Variants in NDUFS8 observed in about 807,000 individuals in gnomAD.
The protein encoded by NDUFS8 is NADH dehydrogenase [ubiquinone] iron-sulfur protein 8, mitochondrial.
Under a neutral mutation model 25.6 loss-of-function variants are expected in NDUFS8, and 13 were observed. The observed-to-expected ratio is 0.51, with a 90% CI of 0.33 to 0.81. The LOEUF (loss-of-function observed/expected upper bound fraction) is 0.81. Among genes scored for constraint, NDUFS8 ranks in the 30% least tolerant of loss-of-function variants. The pLI, the probability that NDUFS8 is intolerant of heterozygous loss-of-function variation, is 0.02. For synonymous variants in NDUFS8, 119 were observed against 119.4 expected (o/e 1.00, Z 0.02); for missense variants, 257 against 300.9 (o/e 0.85, Z 1.08).
At chr11:68,032,516 T>G in intron 3 of NDUFS8, 180 bp downstream of exon 3, 2 of 1,506,444 alleles carry the variant, frequency 1.3e-6, no homozygotes, top group Non-Finnish European at 1.8e-6. Flanking sequence ...GGGTCCATCA[T>G]TGCCGAGGTT....
chr11:68,032,677 G>A (rs750729830), intron 3 of NDUFS8: 1 of 856,510 alleles, frequency 1.2e-6, no homozygotes, highest in Non-Finnish European at 1.8e-6. Context: ...AAGCCCTGTT[G>A]GGCAGGGAAG....
Position 68,032,942 on chromosome 11 carries a change from T to C in NDUFS8, c.129T>C (p.Asp43=). 1 of 1,613,876 alleles carries C rather than the reference T, an allele frequency of 6.2e-7. No homozygotes were observed. The highest frequency in any genetic ancestry group is 2.2e-5 in the East Asian group (1 of 44,884). The change falls in exon 4 of 7, where the codon GAT becomes GAC. Residue 43 remains aspartate, a synonymous_variant. Transcript: ENST00000313468. ...CTGCAGAGTATGTGAACATGCAGGA[T>C]CCCGAGATGGACATGAAGTCAGTGA... ...AATYKYVNMQ[D]PEMDMKSVTD...
intron 5 of NDUFS8, 191 bp downstream of exon 5, chr11:68,033,474 G>A: frequency 1.3e-6 from 1 of 760,148 alleles, no homozygotes; most frequent in South Asian, 1.6e-5. Flanking sequence ...TCAGTGAGTT[G>A]GCAGAGTGAA....
At chr11:68,033,612 C>T (rs953995206) in intron 5 of NDUFS8, 1 of 413,512 alleles carries the variant, frequency 2.4e-6, no homozygotes, top group Non-Finnish European at 4.5e-6. Context: ...TGGATGTAGC[C>T]ACCGTTTCCG....
rs1467421684 is a variant in NDUFS8 at position 68,033,137 on chromosome 11, T to G, written c.226T>G (p.Phe76Val). ...CCTGGGCATGACCCTGAGCTACCTG[T>G]TCCGGGAACCGGCCACCATCAACTA... ...RGLGMTLSYLFREPATINYPF... is the reference protein window; with the variant it reads ...RGLGMTLSYLVREPATINYPF... The change falls in exon 5 of 7, where the codon TTC becomes GTC. Residue 76 changes from phenylalanine (F) to valine (V), a missense_variant. Physicochemically the swap from Phe to Val is conservative, Grantham distance 50. Coordinates refer to ENST00000313468, the MANE Select transcript of NDUFS8 (RefSeq NM_002496.4). 3 of 1,612,894 alleles carry G rather than the reference T, an allele frequency of 1.9e-6. No individual in the cohort carries two copies. In the East Asian group the frequency reaches 6.7e-5, roughly 36 times the overall value.
rs561331377 is a variant in NDUFS8, at chr11:68,031,970, T to C, written c.1-182T>C. On this transcript the variant is annotated intron_variant, in intron 1 of 6. Coordinates refer to ENST00000313468, the MANE Select transcript of NDUFS8 (RefSeq NM_002496.4). ...TGAATTGTAGCTCAGCCAAGCTGAA[T>C]CAGATGGAAAGCTGGGAGGCGCTGG... Among the ~76,000 whole-genome samples, 3 of 152,320 alleles carry C rather than the reference T, an allele frequency of 2.0e-5. No homozygotes were observed. The South Asian group carries it at 6.2e-4, about 32-fold the overall frequency.
rs867723941 is a variant in NDUFS8 at position 68,033,218 on chromosome 11, C to T, written c.307C>T (p.Arg103Trp). Reference sequence around the variant, plus strand: ...CTTCCGTGGGGAGCATGCGCTGCGCCGGTACCCATCCGGGGAGGAGCGTTG... The same window carrying T: ...CTTCCGTGGGGAGCATGCGCTGCGCTGGTACCCATCCGGGGAGGAGCGTTG... ...PRFRGEHALR[R>W]YPSGEERCIA... Residue 103 changes from arginine to tryptophan, a missense_variant, in exon 5 of 7, where the codon CGG becomes TGG. Physicochemically the swap from Arg to Trp is moderately radical, Grantham distance 101 (BLOSUM62 -3). Transcript: ENST00000313468. The T allele has an allele frequency of 4.3e-6, 7 of 1,611,818 alleles. No individual in the cohort carries two copies. The highest frequency in any genetic ancestry group is 5.1e-6 in the Non-Finnish European group (6 of 1,179,582).
At position 68,036,240 on chromosome 11, in the gene NDUFS8, G is replaced by T. The variant is rs549656931; in HGVS notation, c.373-13G>T. ...CAGGGCAGCGTGGCAGTGTCTGGTGGCCCCTCCCGCAGGCCATCACCATCG... is the reference window on the plus strand; with the variant it reads ...CAGGGCAGCGTGGCAGTGTCTGGTGTCCCCTCCCGCAGGCCATCACCATCG... On this transcript the variant is annotated splice_polypyrimidine_tract_variant and intron_variant, in intron 5 of 6. Transcript: ENST00000313468. 39 of 1,612,202 alleles carry T rather than the reference G, an allele frequency of 2.4e-5. No homozygotes were observed. The highest frequency in any genetic ancestry group is 3.1e-5 in the Non-Finnish European group (37 of 1,179,532).
At chr11:68,032,587 ATGG>A in intron 3 of NDUFS8, 1 of 1,354,674 alleles carries the variant, frequency 7.4e-7, no homozygotes, top group South Asian at 1.4e-5. Context: ...GGTGTGAGCC[ATGG>A]GTACCTGTGC....
At chr11:68,034,278 G>A (rs1854836703) in intron 5 of NDUFS8, 1 of 152,248 alleles carries the variant, frequency 6.6e-6, no homozygotes, top group Non-Finnish European at 1.5e-5. Flanking sequence ...GGGCTACCCA[G>A]GAACTGAGAG....
At position 68,032,584 on chromosome 11, in the gene NDUFS8, G is replaced by A. The variant is rs1297931993; in HGVS notation, c.109+248G>A. On this transcript the variant is annotated intron_variant, in intron 3 of 6. Transcript: ENST00000313468. ...ATGGGGAGGGGGTTGCCAGGTGTGA[G>A]CCATGGGTACCTGTGCCTATTGCCA... 2.9e-6 allele frequency: 4 copies of A among 1,369,770 alleles called. No homozygotes were observed. In the East Asian group the frequency reaches 7.6e-5, roughly 26 times the overall value. 84.9% of individuals were successfully genotyped at this position (1,369,770 alleles called of 1,614,324 possible).
At chr11:68,032,234 G>A in intron 2 of NDUFS8, 25 bp downstream of exon 2, 2 of 1,613,726 alleles carry the variant, frequency 1.2e-6, no homozygotes, top group Non-Finnish European at 1.7e-6. Context: ...GCCTTTGCTG[G>A]GGGTAGGGGA....
At chr11:68,031,776 G>A in intron 1 of NDUFS8, 2 of 373,910 alleles carry the variant, frequency 5.3e-6, no homozygotes, top group African/African-American at 4.2e-5. Context: ...AGCTAACAAA[G>A]TTCGCTCTCA....
At chr11:68,030,907 A>C (rs1307225059) in intron 1 of NDUFS8, 174 bp downstream of exon 1, 3 of 360,308 alleles carry the variant, frequency 8.3e-6, no homozygotes, top group African/African-American at 2.8e-5. Flanking sequence ...CTCAGGGCGC[A>C]TGCGCCGCCC....
rs749283010 is a variant in NDUFS8 at position 68,032,991 on chromosome 11, C to T, written c.178C>T (p.Leu60=). The change falls in exon 4 of 7, where the codon CTG becomes TTG. Residue 60 remains leucine, a synonymous_variant. Coordinates refer to ENST00000313468, the MANE Select transcript of NDUFS8 (RefSeq NM_002496.4). ...GACTGACCGGGCAGCCCGCACCCTG[C>T]TGTGGACTGAGCTCTTCCGAGGTGC... ...SVTDRAARTL[L]WTELFRGLGM... is the part of the protein sequence containing the mutation. The T allele has an allele frequency of 6.2e-7, 1 of 1,613,858 alleles. No homozygotes were observed. Among genetic ancestry groups the T allele is most frequent in the South Asian group, 1.1e-5 (1 of 91,090 alleles).
chr11:68,033,615 C>T (rs978656621), intron 5 of NDUFS8: 3 of 403,682 alleles, frequency 7.4e-6, no homozygotes, highest in East Asian at 5.1e-5. Context: ...ATGTAGCCAC[C>T]GTTTCCGGAG....
At chr11:68,033,616 G>A (rs781199759) in intron 5 of NDUFS8, 16 of 404,218 alleles carry the variant, frequency 4.0e-5, no homozygotes, top group Non-Finnish European at 5.1e-5. Flanking sequence ...TGTAGCCACC[G>A]TTTCCGGAGT....
rs755933479 is a variant in NDUFS8 at position 68,036,272 on chromosome 11, A to G, written c.392A>G (p.Glu131Gly). ...CPAQAITIEA[E>G]PRADGSRRTT... ...CCGCAGGCCATCACCATCGAGGCTG[A>G]GCCAAGAGCTGATGGCAGCCGCCGG... Residue 131 changes from glutamate to glycine, a missense_variant, in exon 6 of 7, where the codon GAG becomes GGG. By Grantham distance (98) the Glu-to-Gly change is moderately conservative (BLOSUM62 -2). Transcript: ENST00000313468. The G allele has an allele frequency of 5.6e-6, 9 of 1,612,808 alleles. No homozygotes were observed. The African/African-American group carries it at 1.1e-4, about 19-fold the overall frequency.
intron 3 of NDUFS8, chr11:68,032,610 G>A: frequency 8.3e-7 from 1 of 1,209,684 alleles, no homozygotes; most frequent in Non-Finnish European, 1.1e-6. Flanking sequence ...CCTATTGCCA[G>A]TCCCTGGTGA....
Sources: gnomAD v4.1 joint callset for allele counts (sites outside exome capture counted in the v4.1 genomes callset) on GRCh38, gnomAD v4.1.1 for gene constraint, MANE v1.5 for transcripts, NCBI Gene and HGNC (gene_info 2026-07-23, HGNC 2026-07-21) for gene names.